Variants in MYH10 observed in about 807,000 individuals in gnomAD.
MYH10 encodes myosin-10.
In MYH10, 55 loss-of-function variants were observed where a neutral mutation model predicts 257.8. That is an observed-to-expected ratio of 0.21 (90% confidence interval 0.17 to 0.27). The LOEUF is 0.27. MYH10 is among the 10% of genes least tolerant of loss of function. The pLI, the probability that MYH10 is intolerant of heterozygous loss-of-function variation, is 1.00. For synonymous variants in MYH10, 854 were observed against 921.7 expected, an observed-to-expected ratio of 0.93 and a Z score of 1.33; for missense variants, 1,631 against 2,500.6, an observed-to-expected ratio of 0.65 and a Z score of 7.42.
intron 6 of MYH10, among the ~76,000 whole-genome samples, chr17:8,571,800 C>T (rs937380428): frequency 1.3e-5 from 2 of 152,022 alleles, no homozygotes; most frequent in Admixed American, 6.6e-5. Context: ...AGTCATTATT[C>T]GGTGATAGAC....
At position 8,604,968 on chromosome 17, in the gene MYH10, G is replaced by T. The variant is rs375038020; in HGVS notation, c.360C>A (p.Leu120=). ...TGTAAGGGTTTATAACTACACAGAA[G>T]AGTCCAGAATAAGTCTAGAATAAAA... The part of the protein sequence containing the change: ...YSGLIYTYSG[L]FCVVINPYKN... Residue 120 remains leucine (L), a synonymous_variant, in exon 3 of 43, where the codon CTC becomes CTA. Transcript: ENST00000360416. 1.1e-4 allele frequency: 165 copies of T among 1,514,192 alleles called. 1 individual carries two copies. Among genetic ancestry groups the T allele is most frequent in the Non-Finnish European group, 1.5e-4 (162 of 1,107,456 alleles). The allele number at this position is 1,514,192 out of a possible 1,614,324, so 93.8% of individuals were successfully genotyped here. A position where few individuals can be genotyped will look rare whatever the true frequency, so the allele number is the denominator to read the frequency against.
intron 24 of MYH10, among the ~76,000 whole-genome samples, chr17:8,510,674 T>G (rs937199428): frequency 2.6e-5 from 4 of 152,218 alleles, no homozygotes; most frequent in Admixed American, 2.0e-4. Context: ...AATAATGTAG[T>G]AGCACTCATC....
At chr17:8,508,194 C>T (rs2081137414) in intron 26 of MYH10, among the ~76,000 whole-genome samples, 1 of 152,090 alleles carries the variant, frequency 6.6e-6, no homozygotes, top group South Asian at 2.1e-4. Flanking sequence ...CTGGTGAGCT[C>T]CTGGGCGCAA....
intron 3 of MYH10, among the ~76,000 whole-genome samples, chr17:8,593,454 C>T (rs932344888): frequency 1.1e-4 from 16 of 151,628 alleles, no homozygotes; most frequent in African/African-American, 3.9e-4. Context: ...ACAAAAAAAC[C>T]CTTTCAGACT....
intron 16 of MYH10, among the ~76,000 whole-genome samples, chr17:8,532,176 G>A (rs1453070433): frequency 1.3e-5 from 2 of 152,244 alleles, no homozygotes; most frequent in Non-Finnish European, 2.9e-5. Context: ...ACATGTAGGA[G>A]TATTCCAGAG....
In MYH10 at chr17:8,477,183, G is replaced by A; in HGVS notation, c.5707-135C>T. On this transcript the variant is annotated intron_variant, in intron 41 of 42. Coordinates refer to ENST00000360416, the MANE Select transcript of MYH10 (RefSeq NM_001256012.3). The surrounding 1 kb of genome is among the most constrained non-coding windows in gnomAD (Gnocchi z 4.2). The stretch of plus-strand genomic sequence containing the variant: ...CGCGTGTACACGGATGTACACGCGT[G>A]CCTGGGGGCTGGTCGGAGGCTCTGT... 2.1e-6 allele frequency: 2 copies of A among 942,094 alleles called. No homozygotes were observed. Among genetic ancestry groups the A allele is most frequent in the Non-Finnish European group, 3.1e-6 (2 of 647,790 alleles). 58.4% of individuals were successfully genotyped at this position (942,094 alleles called of 1,614,324 possible).
rs571189859 is a variant in MYH10 at position 8,595,518 on chromosome 17, C to T, written c.503-6410G>A. ...CGTGATCTCCGCTCACTGCAACCTC[C>T]GCCTCCCGGGTTCAAGCGATTCTCC... On this transcript the variant is annotated intron_variant, in intron 3 of 42. Coordinates refer to ENST00000360416, the MANE Select transcript of MYH10 (RefSeq NM_001256012.3). 6.7e-5 allele frequency among the ~76,000 whole-genome samples: 10 copies of T among 148,524 alleles called. No homozygotes were observed. The South Asian group carries it at 8.5e-4, about 13-fold the overall frequency.
At chr17:8,590,546 A>G (rs1172189474) in intron 3 of MYH10, among the ~76,000 whole-genome samples, 1 of 151,958 alleles carries the variant, frequency 6.6e-6, no homozygotes, top group Non-Finnish European at 1.5e-5. Context: ...TCCTAGGCTT[A>G]AGGGATCCAC....
rs767309005 is a variant in MYH10, at chr17:8,548,784, T to C, written c.923A>G (p.Asp308Gly). Residue 308 changes from aspartate to glycine, a missense_variant, in exon 10 of 43, where the codon GAT becomes GGT. Coordinates refer to ENST00000360416, the MANE Select transcript of MYH10 (RefSeq NM_001256012.3). Reference protein sequence around the residue: ...LSGAGEHLKSDLLLEGFNNYR... With the variant: ...LSGAGEHLKSGLLLEGFNNYR... Reference sequence around the variant, plus strand: ...GTTATTAAATCCTTCAAGAAGCAAATCAGCTAAAAGGAAATATAATGGAAG... The same window carrying C: ...GTTATTAAATCCTTCAAGAAGCAAACCAGCTAAAAGGAAATATAATGGAAG... 3 of 1,609,932 alleles carry C rather than the reference T, an allele frequency of 1.9e-6. No individual in the cohort carries two copies. In the South Asian group the frequency reaches 3.3e-5, roughly 18 times the overall value.
chr17:8,611,470 T>C (rs2085036537), intron 2 of MYH10, among the ~76,000 whole-genome samples: 1 of 152,194 alleles, frequency 6.6e-6, no homozygotes, highest in African/African-American at 2.4e-5. Flanking sequence ...TGCCCTGGGT[T>C]ACAATATGTT....
In MYH10 at chr17:8,554,031, T is replaced by TA; in HGVS notation, c.757-14dup. The stretch of plus-strand genomic sequence containing the variant: ...GAATAAATTTGCCCTGAAAATAAAT[T>TA]AAAAAGAGAAAATTGAAAATAAGTA... On this transcript the variant is annotated splice_polypyrimidine_tract_variant and intron_variant, in intron 7 of 42. Coordinates refer to ENST00000360416, the MANE Select transcript of MYH10 (RefSeq NM_001256012.3). 6.2e-7 allele frequency: 1 copy of TA among 1,602,484 alleles called. No homozygotes were observed. Among genetic ancestry groups the TA allele is most frequent in the Non-Finnish European group, 8.5e-7 (1 of 1,170,282 alleles).
At chr17:8,550,947 C>T (rs930396651) in intron 9 of MYH10, among the ~76,000 whole-genome samples, 1 of 151,752 alleles carries the variant, frequency 6.6e-6, no homozygotes, top group African/African-American at 2.4e-5. Context: ...AGGCAGCATG[C>T]TCCTTAAGAG....
Position 8,518,880 on chromosome 17 carries a change from C to T in MYH10, c.2343+1G>A. Reference sequence around the variant, plus strand: ...CCAGAAAAAGATCAAGAAAACCTTACCATTCGTTCACAGGCCTGTTTACCA... The same window carrying T: ...CCAGAAAAAGATCAAGAAAACCTTATCATTCGTTCACAGGCCTGTTTACCA... On this transcript the variant is annotated splice_donor_variant, in intron 20 of 42. Coordinates refer to ENST00000360416, the MANE Select transcript of MYH10 (RefSeq NM_001256012.3). LOFTEE classifies it high-confidence loss of function. 1 of 1,607,916 alleles carries T rather than the reference C, an allele frequency of 6.2e-7. No individual in the cohort carries two copies. The highest frequency in any genetic ancestry group is 8.5e-7 in the Non-Finnish European group (1 of 1,177,332).
intron 34 of MYH10, among the ~76,000 whole-genome samples, chr17:8,491,992 C>A (rs777757131): frequency 1.1e-4 from 16 of 152,216 alleles, no homozygotes; most frequent in Non-Finnish European, 1.8e-4. Flanking sequence ...ACCATGAAAC[C>A]TTTTGTTGAA....
chr17:8,596,382 T>TGACC (rs1361233520), intron 3 of MYH10, among the ~76,000 whole-genome samples: 1 of 152,130 alleles, frequency 6.6e-6, no homozygotes, highest in Non-Finnish European at 1.5e-5. Flanking sequence ...TCTCGACTCC[T>TGACC]GACCTCAGGT....
chr17:8,563,672 G>C (rs1230281966), intron 7 of MYH10, among the ~76,000 whole-genome samples: 1 of 152,234 alleles, frequency 6.6e-6, no homozygotes, highest in Non-Finnish European at 1.5e-5. Context: ...AAATTAAACA[G>C]AGCTGGGCTG....
At chr17:8,629,953 G>C (rs1339783708) in intron 1 of MYH10, among the ~76,000 whole-genome samples, 1 of 151,302 alleles carries the variant, frequency 6.6e-6, no homozygotes, top group African/African-American at 2.4e-5. Flanking sequence ...CTCACCCGCC[G>C]CGCGCTTCCC....
Position 8,601,919 on chromosome 17 carries a change from T to C in MYH10, c.502+2907A>G, listed in dbSNP as rs564195539. On this transcript the variant is annotated intron_variant, in intron 3 of 42. Transcript: ENST00000360416. ...GATGTGGGATGTGTGACCAAAAAGT[T>C]TGTGCATGATATGAAACTAGGAAGG... Among the ~76,000 whole-genome samples, 8 of 152,278 alleles carry C rather than the reference T, an allele frequency of 5.3e-5. No homozygotes were observed. In the East Asian group the frequency reaches 1.2e-3, roughly 22 times the overall value.
At chr17:8,550,674 CAGTGGCGGCTTTGTGGAATGG>C (rs2082610340) in intron 9 of MYH10, among the ~76,000 whole-genome samples, 1 of 152,108 alleles carries the variant, frequency 6.6e-6, no homozygotes, top group African/African-American at 2.4e-5. Flanking sequence ...GCCAGGATGA[CAGTGGCGGCTTTGTGGAATGG>C]AGAGGCGGGA....
Sources: gnomAD v4.1 joint callset for allele counts (sites outside exome capture counted in the v4.1 genomes callset) on GRCh38, gnomAD v4.1.1 for gene constraint, Gnocchi (gnomAD v3.1) non-coding constraint, MANE v1.5 for transcripts, NCBI Gene and HGNC (gene_info 2026-07-23, HGNC 2026-07-21) for gene names.